The following DPH6 variants were observed in gnomAD, a reference collection of about 807,000 sequenced individuals.
The protein encoded by DPH6 is diphthamine biosynthesis 6.
In DPH6, 33 loss-of-function variants were observed where a neutral mutation model predicts 38.2. That is an observed-to-expected ratio of 0.86 (90% CI 0.65 to 1.15). The LOEUF (loss-of-function observed/expected upper bound fraction) is 1.15, where lower values mean the gene tolerates loss of function less well. Ranked by LOEUF, DPH6 falls within the 50% of genes most tolerant of loss-of-function variation. DPH6 has a pLI of 0.00. For synonymous variants in DPH6, 108 were observed against 103.0 expected (o/e 1.05, Z -0.30); for missense variants, 325 against 320.0 (o/e 1.02, Z -0.12).
At chr15:35,151,269 T>C in the DPH6 span, among the ~76,000 whole-genome samples, 1 of 152,160 alleles carries the variant, frequency 6.6e-6, no homozygotes. Context: ...GTTTTTAAAA[T>C]GTAACGTGCA....
intron 6 of DPH6, among the ~76,000 whole-genome samples, chr15:35,394,403 A>G (rs992448199): frequency 5.9e-5 from 9 of 152,210 alleles, no homozygotes; most frequent in African/African-American, 2.2e-4. Context: ...GGAAATACTC[A>G]CCCCATGAGT....
chr15:35,198,172 A>G, the DPH6 span, among the ~76,000 whole-genome samples: 94 of 142,158 alleles, frequency 6.6e-4, no homozygotes, highest in African/African-American at 2.2e-3. Flanking sequence ...TAATAAAAAC[A>G]AAACTTTTAT....
In DPH6 at chr15:35,454,771, T is replaced by A; in HGVS notation, c.362A>T (p.Tyr121Phe). The A allele has an allele frequency of 1.2e-6, 2 of 1,609,736 alleles. No homozygotes were observed. The highest frequency in any genetic ancestry group is 1.3e-5 in the African/African-American group (1 of 74,916). ...CACATTTTCCACTCGAATACGCTGA[T>A]AGTCAGAAAGTATAGCACCTACTGA... ...GISVGAILSDYQRIRVENVCK... is the reference protein window; with the variant it reads ...GISVGAILSDFQRIRVENVCK... Residue 121 changes from tyrosine to phenylalanine, a missense_variant, in exon 4 of 9, where the codon TAT becomes TTT. Transcript: ENST00000256538.
the DPH6 span, among the ~76,000 whole-genome samples, chr15:35,211,794 C>T: frequency 6.6e-6 from 1 of 152,068 alleles, no homozygotes; most frequent in African/African-American, 2.4e-5. Context: ...TTTAAAAAGG[C>T]CTGTGTCTCC....
exon 4 of DPH6, chr15:35,217,831 G>A (rs563620742): frequency 2.0e-5 from 3 of 152,204 alleles, no homozygotes; most frequent in South Asian, 2.1e-4. Context: ...TGTCAGTGGG[G>A]GAATGGTTCC....
chr15:35,208,487 C>A, the DPH6 span, among the ~76,000 whole-genome samples: 1 of 152,142 alleles, frequency 6.6e-6, no homozygotes, highest in African/African-American at 2.4e-5. Flanking sequence ...TTACCAGGTG[C>A]AGCATCTAGA....
chr15:35,372,639 T>G (rs1312378690), intron 8 of DPH6, among the ~76,000 whole-genome samples: 1 of 151,932 alleles, frequency 6.6e-6, no homozygotes, highest in Non-Finnish European at 1.5e-5. Context: ...TTTTTAATCC[T>G]GCCCATTGTC....
chr15:35,414,716 TTGG>T (rs532553185), intron 5 of DPH6, among the ~76,000 whole-genome samples: 6 of 151,536 alleles, frequency 4.0e-5, no homozygotes, highest in Admixed American at 1.3e-4. Context: ...CTATGCCTTC[TTGG>T]TGAATTACTT....
chr15:35,231,569 G>A (rs1037733090), intron 3 of DPH6, among the ~76,000 whole-genome samples: 26 of 152,176 alleles, frequency 1.7e-4, no homozygotes, highest in Admixed American at 1.3e-3. Flanking sequence ...ACAATCAGTG[G>A]AGCTTTCTTT....
chr15:35,407,571 C>T (rs78777119), intron 6 of DPH6, among the ~76,000 whole-genome samples: 3,330 of 151,986 alleles, frequency 0.022, 109 homozygotes, highest in African/African-American at 0.077. Context: ...AACAGATGAA[C>T]AAATAAAATA....
chr15:35,338,967 G>A (rs2052398404), intron 3 of DPH6, among the ~76,000 whole-genome samples: 1 of 151,920 alleles, frequency 6.6e-6, no homozygotes, highest in African/African-American at 2.4e-5. Context: ...TCAGTCATAG[G>A]TGGGAATTGA....
chr15:35,225,957 T>C (rs1010375003), intron 3 of DPH6, among the ~76,000 whole-genome samples: 4 of 152,174 alleles, frequency 2.6e-5, no homozygotes, highest in African/African-American at 9.7e-5. Flanking sequence ...ATATTAAAAA[T>C]GATTTATTGC....
chr15:35,491,938 CAGAG>C (rs965879219), intron 3 of DPH6, among the ~76,000 whole-genome samples: 10 of 150,838 alleles, frequency 6.6e-5, no homozygotes, highest in African/African-American at 2.4e-4. Context: ...TAAAAAGAGA[CAGAG>C]AGAGAGAGGA....
rs1251294023 is a variant in DPH6, at chr15:35,496,565, AAAAT to A, written c.312+41705_312+41708del. Among the ~76,000 whole-genome samples the A allele has an allele frequency of 6.9e-4, 14 of 20,152 alleles. No individual in the cohort carries two copies. The East Asian group carries it at 0.032, about 46-fold the overall frequency. The allele number at this position is 20,152 out of a possible 152,430, so 13.2% of individuals were successfully genotyped here. A position where few individuals can be genotyped will look rare whatever the true frequency, so the allele number is the denominator to read the frequency against. On this transcript the variant is annotated intron_variant, in intron 3 of 8. Coordinates refer to ENST00000256538, the MANE Select transcript of DPH6 (RefSeq NM_080650.4). ...ACGAAAGTTCCATCTCAAAAAAAAA[AAAAT>A]ATATATATATATATATATATATCCT... is the stretch of plus-strand genomic sequence containing the variant.
At chr15:35,449,880 T>C (rs993041551) in intron 5 of DPH6, among the ~76,000 whole-genome samples, 1 of 152,066 alleles carries the variant, frequency 6.6e-6, no homozygotes, top group South Asian at 2.1e-4. Flanking sequence ...AATGTATCTG[T>C]AAAATCTTCT....
intron 3 of DPH6, among the ~76,000 whole-genome samples, chr15:35,257,095 C>A (rs560224756): frequency 3.6e-4 from 55 of 152,192 alleles, no homozygotes; most frequent in African/African-American, 1.1e-3. Context: ...ATAGTGCCAT[C>A]AATACTGGGC....
chr15:35,541,659 C>T (rs2055254893), intron 2 of DPH6, among the ~76,000 whole-genome samples: 1 of 152,048 alleles, frequency 6.6e-6, no homozygotes, highest in South Asian at 2.1e-4. Context: ...CTGTGAGAAG[C>T]AGTAATACAA....
At chr15:35,194,401 G>T in the DPH6 span, among the ~76,000 whole-genome samples, 16 of 149,900 alleles carry the variant, frequency 1.1e-4, no homozygotes, top group African/African-American at 3.2e-4. Context: ...GAGAGATAGA[G>T]AGAGAGAGAG....
intron 3 of DPH6, chr15:35,522,029 C>T: frequency 1.3e-6 from 2 of 1,558,958 alleles, no homozygotes; most frequent in Non-Finnish European, 1.7e-6. Context: ...AGATCAGCAT[C>T]CAATTAGTAT....
Sources: gnomAD v4.1 joint callset for allele counts (sites outside exome capture counted in the v4.1 genomes callset) on GRCh38, gnomAD v4.1.1 for gene constraint, MANE v1.5 for transcripts, NCBI Gene and HGNC (gene_info 2026-07-23, HGNC 2026-07-21) for gene names.